Variants in CMYA5 observed in about 807,000 individuals in gnomAD.
CMYA5 encodes cardiomyopathy-associated protein 5.
CMYA5 carries 246 observed loss-of-function variants against 318.9 expected under a neutral mutation model. That is an observed-to-expected ratio of 0.77 (90% CI 0.70 to 0.86). The LOEUF is 0.86. Ranked by LOEUF, CMYA5 falls within the 40% of genes least tolerant of loss-of-function variation. CMYA5 has a pLI of 0.00. For missense variants in CMYA5, 4,589 were observed against 4,678.2 expected, an observed-to-expected ratio of 0.98 and a Z score of 0.56; for synonymous variants, 1,641 against 1,729.5, an observed-to-expected ratio of 0.95 and a Z score of 1.27.
Position 79,692,283 on chromosome 5 carries a change from G to A in CMYA5, c.149+2227G>A, listed in dbSNP as rs142042918. 1.2e-3 allele frequency among the ~76,000 whole-genome samples: 188 copies of A among 152,168 alleles called. 1 individual carries two copies. Among genetic ancestry groups the A allele is most frequent in the African/African-American group, 4.3e-3 (178 of 41,500 alleles). ...AAAGGAGGGGTCCACTCAGATGGTC[G>A]GGGGCTTAGAATTTTATTTTTGGTT... On this transcript the variant is annotated intron_variant, in intron 1 of 12. Transcript: ENST00000446378.
Position 79,729,668 on chromosome 5 carries a change from A to C in CMYA5, c.903A>C (p.Pro301=). The part of the protein sequence containing the change: ...SIEDKVKEVF[P]PWRGALSKGS... ...AGGATAAAGTAAAAGAGGTTTTTCCACCCTGGAGAGGCGCACTCTCCAAAG... is the reference window on the plus strand; with the variant it reads ...AGGATAAAGTAAAAGAGGTTTTTCCCCCCTGGAGAGGCGCACTCTCCAAAG... The change falls in exon 2 of 13, where the codon CCA becomes CCC. Residue 301 remains proline, a synonymous_variant. Transcript: ENST00000446378. 1 of 1,613,662 alleles carries C rather than the reference A, an allele frequency of 6.2e-7. No individual in the cohort carries two copies. The highest frequency in any genetic ancestry group is 8.5e-7 in the Non-Finnish European group (1 of 1,179,800).
intron 7 of CMYA5, among the ~76,000 whole-genome samples, chr5:79,760,583 G>T (rs1403043818): frequency 6.6e-6 from 1 of 152,162 alleles, no homozygotes; most frequent in African/African-American, 2.4e-5. Flanking sequence ...GAGAGAGAGA[G>T]TAAAGCAGGA....
chr5:79,794,212 G>A (rs2404671), intron 12 of CMYA5, among the ~76,000 whole-genome samples: 25,965 of 152,246 alleles, frequency 0.17, 2,513 homozygotes, highest in South Asian at 0.22. Context: ...TAAAATTGCA[G>A]AAACACAGTC....
Position 79,738,466 on chromosome 5 carries a change from C to A in CMYA5, c.9701C>A (p.Thr3234Lys). The A allele has an allele frequency of 6.2e-7, 1 of 1,613,628 alleles. No individual in the cohort carries two copies. Among genetic ancestry groups the A allele is most frequent in the African/African-American group, 1.3e-5 (1 of 75,004 alleles). ...AGAAATTCTGACACTGATGATGGAA[C>A]AGGAATATATTTTGAGAAGTACATA... ...PSRNSDTDDG[T>K]GIYFEKYILK... The change falls in exon 2 of 13, where the codon ACA becomes AAA. Residue 3234 changes from threonine (T) to lysine (K), a missense_variant. Coordinates refer to ENST00000446378, the MANE Select transcript of CMYA5 (RefSeq NM_153610.5).
At chr5:79,705,795 G>T (rs755837445) in intron 1 of CMYA5, among the ~76,000 whole-genome samples, 15 of 152,088 alleles carry the variant, frequency 9.9e-5, no homozygotes, top group Non-Finnish European at 1.3e-4. Flanking sequence ...GCAGTTCTCT[G>T]GAATGCACTG....
At chr5:79,720,999 A>G (rs974225713) in intron 1 of CMYA5, among the ~76,000 whole-genome samples, 7 of 152,334 alleles carry the variant, frequency 4.6e-5, no homozygotes, top group Middle Eastern at 3.4e-3. Flanking sequence ...ATTTAGATTG[A>G]AAATACATAA....
At chr5:79,759,828 A>G (rs928032517) in intron 7 of CMYA5, among the ~76,000 whole-genome samples, 4 of 152,204 alleles carry the variant, frequency 2.6e-5, no homozygotes, top group Non-Finnish European at 5.9e-5. Context: ...ATTTAGAAAA[A>G]AGTTTAAAAA....
chr5:79,764,002 CTT>C (rs1001589713), intron 9 of CMYA5, among the ~76,000 whole-genome samples: 5 of 144,792 alleles, frequency 3.5e-5, no homozygotes, highest in African/African-American at 1.3e-4. Flanking sequence ...AACTAGACAG[CTT>C]TTTTTTTTTT....
In CMYA5 at chr5:79,793,539, C is replaced by A; in HGVS notation, c.11892C>A (p.Ser3964Arg). The change falls in exon 12 of 13, where the codon AGC (serine) becomes AGA (arginine). Residue 3964 changes from serine to arginine, a missense_variant. Ser to Arg is a moderately radical substitution (Grantham distance 110). Transcript: ENST00000446378. ...CPAYRLGICS[S>R]SAVQAGALGQ... ...CATATCGACTCGGCATCTGCTCCAG[C>A]TCGGCTGTGCAGGCAGGTGCCCTAG... 6.2e-7 allele frequency: 1 copy of A among 1,613,894 alleles called. No individual in the cohort carries two copies. The highest frequency in any genetic ancestry group is 8.5e-7 in the Non-Finnish European group (1 of 1,179,820).
intron 1 of CMYA5, among the ~76,000 whole-genome samples, chr5:79,713,897 C>T (rs762082549): frequency 6.6e-6 from 1 of 152,104 alleles, no homozygotes; most frequent in Non-Finnish European, 1.5e-5. Flanking sequence ...TGGATCGCAT[C>T]TTCATCTTGT....
intron 1 of CMYA5, among the ~76,000 whole-genome samples, chr5:79,698,531 G>T (rs1448063782): frequency 6.6e-6 from 1 of 152,150 alleles, no homozygotes; most frequent in Non-Finnish European, 1.5e-5. Flanking sequence ...AGGCTAATGA[G>T]CTTGTTCCTC....
Position 79,729,347 on chromosome 5 carries a change from AAAG to A in CMYA5, c.587_589del (p.Lys196del). Reference sequence around the variant, plus strand: ...CTGGCATTTATGATAAAGCAAGAAAAAAGAAGACCACTTCAAATACACCTCCGA... The same window carrying A: ...CTGGCATTTATGATAAAGCAAGAAAAAAGACCACTTCAAATACACCTCCGA... On this transcript the variant is annotated inframe_deletion, in exon 2 of 13. Transcript: ENST00000446378. The A allele has an allele frequency of 4.3e-6, 7 of 1,612,954 alleles. No individual in the cohort carries two copies. The highest frequency in any genetic ancestry group is 2.2e-5 in the East Asian group (1 of 44,870).
chr5:79,726,276 T>C (rs1827747231), intron 1 of CMYA5, among the ~76,000 whole-genome samples: 1 of 152,240 alleles, frequency 6.6e-6, no homozygotes, highest in South Asian at 2.1e-4. Context: ...ATAATGCTTC[T>C]ACATTCATGG....
intron 1 of CMYA5, among the ~76,000 whole-genome samples, chr5:79,698,141 G>GT (rs1176045127): frequency 6.6e-6 from 1 of 152,080 alleles, no homozygotes; most frequent in African/African-American, 2.4e-5. Flanking sequence ...GAACTTTGAA[G>GT]TTTTTCTGTT....
chr5:79,695,599 C>T (rs1827053191), intron 1 of CMYA5, among the ~76,000 whole-genome samples: 2 of 152,218 alleles, frequency 1.3e-5, no homozygotes, highest in Non-Finnish European at 2.9e-5. Flanking sequence ...TCATTGGAAT[C>T]TAGAGAACTG....
At chr5:79,777,698 T>G (rs1456999083) in intron 9 of CMYA5, among the ~76,000 whole-genome samples, 2 of 150,972 alleles carry the variant, frequency 1.3e-5, no homozygotes, top group Admixed American at 6.6e-5. Context: ...TTGTTTGAAC[T>G]CAGGAGGCGG....
chr5:79,739,127 A>T lies in CMYA5; in HGVS notation c.10362A>T (p.Gly3454=), dbSNP rs1037368044. 1 of 1,613,810 alleles carries T rather than the reference A, an allele frequency of 6.2e-7. No individual in the cohort carries two copies. Among genetic ancestry groups the T allele is most frequent in the African/African-American group, 1.3e-5 (1 of 74,934 alleles). ...CACCTGAAGATGTCTTATCTCAAGG[A>T]AAGGAATCCTTTGAGCACATCAGTG... ...ESTPEDVLSQ[G]KESFEHISEN... The change falls in exon 2 of 13, where the codon GGA becomes GGT. Residue 3454 remains glycine (G), a synonymous_variant. Coordinates refer to ENST00000446378, the MANE Select transcript of CMYA5 (RefSeq NM_153610.5).
At chr5:79,742,299 G>A (rs183071183) in intron 2 of CMYA5, among the ~76,000 whole-genome samples, 22 of 151,744 alleles carry the variant, frequency 1.4e-4, no homozygotes, top group Non-Finnish European at 2.5e-4. Context: ...CAATCCTCTC[G>A]CCTCAGCCTC....
chr5:79,774,068 T>C (rs1277257135), intron 9 of CMYA5, among the ~76,000 whole-genome samples: 7 of 152,230 alleles, frequency 4.6e-5, no homozygotes, highest in Non-Finnish European at 1.0e-4. Context: ...TATAATGGCC[T>C]CTGGCGATTC....
Sources: gnomAD v4.1 joint callset for allele counts (sites outside exome capture counted in the v4.1 genomes callset) on GRCh38, gnomAD v4.1.1 for gene constraint, MANE v1.5 for transcripts, NCBI Gene and HGNC (gene_info 2026-07-23, HGNC 2026-07-21) for gene names.